SYT5: variants seen among roughly 807,000 people sequenced by gnomAD.
The protein encoded by SYT5 is synaptotagmin-5.
In SYT5, 29 loss-of-function variants were observed where a neutral mutation model predicts 36.0. The observed-to-expected ratio is 0.81, with a 90% CI of 0.60 to 1.10. The LOEUF (loss-of-function observed/expected upper bound fraction) is 1.10, where lower values mean the gene tolerates loss of function less well. Among genes scored for constraint, SYT5 ranks in the 50% least tolerant of loss-of-function variants. The pLI, the probability that SYT5 is intolerant of heterozygous loss-of-function variation, is 0.00. For synonymous variants in SYT5, 231 were observed against 227.6 expected, an observed-to-expected ratio of 1.02 and a Z score of -0.14; for missense variants, 512 against 516.0, an observed-to-expected ratio of 0.99 and a Z score of 0.08.
chr19:55,176,120 T>G lies in SYT5; in HGVS notation c.257A>C (p.Gln86Pro). Residue 86 changes from glutamine (Q) to proline (P), a missense_variant, in exon 4 of 9, where the codon CAG becomes CCG. Coordinates refer to ENST00000354308, the MANE Select transcript of SYT5 (RefSeq NM_003180.3). The stretch of plus-strand genomic sequence containing the variant: ...TGGCTCCAGCTCCTCTACTTCTGGC[T>G]GCACCTTAAGGAGCCAGGGGTAAGG... The part of the protein sequence containing the change: ...GLGQSYIDKV[Q>P]PEVEELEPAP... 1 of 1,614,118 alleles carries G rather than the reference T, an allele frequency of 6.2e-7. No individual in the cohort carries two copies. Among genetic ancestry groups the G allele is most frequent in the Non-Finnish European group, 8.5e-7 (1 of 1,180,032 alleles).
rs12104357 is a variant in SYT5, at chr19:55,178,844, C to T, written c.79+119G>A. The T allele has an allele frequency of 9.8e-4, 1,118 of 1,141,834 alleles. 8 individuals carry two copies. In the African/African-American group the frequency reaches 0.012, roughly 12 times the overall value. The allele number at this position is 1,141,834 out of a possible 1,614,324, so 70.7% of individuals were successfully genotyped here. A position where few individuals can be genotyped will look rare whatever the true frequency, so the allele number is the denominator to read the frequency against. ...CGCATTCCAGTCCAGGATGACGACC[C>T]GGGATCCCAGCCGGATTTTCCAGCC... On this transcript the variant is annotated intron_variant, in intron 2 of 8. Transcript: ENST00000354308.
In SYT5 at chr19:55,179,451, C is replaced by CGGGCAACGGGTTGTTGCCA. The variant is rs2082328575; in HGVS notation, c.-45-384_-45-366dup. 2 of 385,094 alleles carry CGGGCAACGGGTTGTTGCCA rather than the reference C, an allele frequency of 5.2e-6. No homozygotes were observed. The highest frequency in any genetic ancestry group is 9.9e-5 in the South Asian group (1 of 10,078). The allele number at this position is 385,094 out of a possible 1,614,324, so 23.9% of individuals were successfully genotyped here. A position where few individuals can be genotyped will look rare whatever the true frequency, so the allele number is the denominator to read the frequency against. ...CGGGGTGAGAGCAAAGCTGGTTGCC[C>CGGGCAACGGGTTGTTGCCA]GGGCAACGGGTTGTTGCCAGGACAA... is the stretch of plus-strand genomic sequence containing the variant. On this transcript the variant is annotated intron_variant, in intron 1 of 8. Coordinates refer to ENST00000354308, the MANE Select transcript of SYT5 (RefSeq NM_003180.3). This position sits in a 1 kb window ranked among gnomAD's most constrained non-coding sequence, Gnocchi z 4.5.
chr19:55,174,759 A>G, intron 7 of SYT5, 109 bp from the exon 8 acceptor site: 1 of 1,579,492 alleles, frequency 6.3e-7, no homozygotes, highest in Non-Finnish European at 8.6e-7. Flanking sequence ...GCCAAAATCC[A>G]TGCCTTCCAC....
In SYT5 at chr19:55,173,766, G is replaced by A; in HGVS notation, c.961-82C>T. On this transcript the variant is annotated intron_variant, in intron 8 of 8. Transcript: ENST00000354308. This position sits in a 1 kb window ranked among gnomAD's most constrained non-coding sequence, Gnocchi z 5.4. ...AGGGGCGGTGTCCGTTTTCACGGCT[G>A]AGGGTACCTCTCGCTGCCACCCGAG... 1.6e-6 allele frequency: 2 copies of A among 1,282,480 alleles called. No homozygotes were observed. Among genetic ancestry groups the A allele is most frequent in the Non-Finnish European group, 2.0e-6 (2 of 1,004,370 alleles). 79.4% of individuals were successfully genotyped at this position (1,282,480 alleles called of 1,614,324 possible). A position where few individuals can be genotyped will look rare whatever the true frequency, so the allele number is the denominator to read the frequency against.
rs1263815848 is a variant in SYT5, at chr19:55,176,085, C to A, written c.292G>T (p.Gly98Trp). The change falls in exon 4 of 9, where the codon GGG becomes TGG. Residue 98 changes from glycine to tryptophan, a missense_variant. By Grantham distance (184) the Gly-to-Trp change is radical. Coordinates refer to ENST00000354308, the MANE Select transcript of SYT5 (RefSeq NM_003180.3). ...EVEELEPAPS[G>W]PGQQVADKHE... ...TTGTCTGCCACCTGCTGCCCTGGCC[C>A]GGATGGTGCTGGCTCCAGCTCCTCT... 2 of 1,614,190 alleles carry A rather than the reference C, an allele frequency of 1.2e-6. No homozygotes were observed. Among genetic ancestry groups the A allele is most frequent in the Non-Finnish European group, 8.5e-7 (1 of 1,180,044 alleles).
In SYT5 at chr19:55,179,242, A is replaced by G. The variant is rs1023365903; in HGVS notation, c.-45-156T>C. 3.4e-6 allele frequency: 5 copies of G among 1,489,152 alleles called. No individual in the cohort carries two copies. The East Asian group carries it at 7.7e-5, about 23-fold the overall frequency. The allele number at this position is 1,489,152 out of a possible 1,614,324, so 92.2% of individuals were successfully genotyped here. ...TAGTATCAGCCTCCCCGCACTTGAG[A>G]GGGGGTGTCCAGGACCTAGTTCCAT... On this transcript the variant is annotated intron_variant, in intron 1 of 8. Coordinates refer to ENST00000354308, the MANE Select transcript of SYT5 (RefSeq NM_003180.3). The surrounding 1 kb of genome is among the most constrained non-coding windows in gnomAD (Gnocchi z 4.5).
chr19:55,178,195 C>A lies in SYT5; in HGVS notation c.252+1G>T. On this transcript the variant is annotated splice_donor_variant, in intron 3 of 8. Coordinates refer to ENST00000354308, the MANE Select transcript of SYT5 (RefSeq NM_003180.3). LOFTEE classifies it high-confidence loss of function. ...GGTGGAGGGGCTGGGCTGGGCCACA[C>A]CTTGTCTATGTAACTCTGGCCCAGC... 6.2e-7 allele frequency: 1 copy of A among 1,606,888 alleles called. No homozygotes were observed. Among genetic ancestry groups the A allele is most frequent in the Non-Finnish European group, 8.5e-7 (1 of 1,176,888 alleles).
chr19:55,173,485 C>G lies in SYT5; in HGVS notation c.1160G>C (p.Ter387SerextTer34). ...TTGGCCGGGGGCTTGGGGTGGGAGT[C>G]AGGGCGCAGGCAGCAGCCTCACTCG... ...PDRVRLLPAP[*>S] Residue 387 changes from the stop codon to serine (S), a stop_lost, in exon 9 of 9, where the codon TGA becomes TCA. Transcript: ENST00000354308. The surrounding 1 kb of genome is among the most constrained non-coding windows in gnomAD (Gnocchi z 5.4). The G allele has an allele frequency of 1.5e-6, 2 of 1,356,478 alleles. No homozygotes were observed. The highest frequency in any genetic ancestry group is 1.9e-6 in the Non-Finnish European group (2 of 1,054,558). 84.0% of individuals were successfully genotyped at this position (1,356,478 alleles called of 1,614,324 possible). A position where few individuals can be genotyped will look rare whatever the true frequency, so the allele number is the denominator to read the frequency against.
Position 55,175,201 on chromosome 19 carries a change from G to C in SYT5, c.679C>G (p.Arg227Gly). 6.2e-7 allele frequency: 1 copy of C among 1,608,028 alleles called. No homozygotes were observed. Among genetic ancestry groups the C allele is most frequent in the East Asian group, 2.2e-5 (1 of 44,612 alleles). Residue 227 changes from arginine (R) to glycine (G), a missense_variant, in exon 6 of 9, where the codon CGG (arginine) becomes GGG (glycine). Coordinates refer to ENST00000354308, the MANE Select transcript of SYT5 (RefSeq NM_003180.3). The surrounding 1 kb of genome is among the most constrained non-coding windows in gnomAD (Gnocchi z 4.5). ...TCCCGCGGAGCCGCCTGCAGCTCCC[G>C]CCAGGCCTGCACTGGCCGCCCCAGG... Reference protein sequence around the residue: ...VDLGRPVQAWRELQAAPREEQ... With the variant: ...VDLGRPVQAWGELQAAPREEQ...
Position 55,178,321 on chromosome 19 carries a change from T to C in SYT5, c.127A>G (p.Ile43Val). Residue 43 changes from isoleucine to valine, a missense_variant, in exon 3 of 9, where the codon ATC (isoleucine) becomes GTC (valine). By Grantham distance (29) the Ile-to-Val change is conservative (BLOSUM62 3). Coordinates refer to ENST00000354308, the MANE Select transcript of SYT5 (RefSeq NM_003180.3). ...ATIVLVSGLL[I>V]FSCCFCLYRK... is the part of the protein sequence containing the mutation. ...TAGAGACAGAAACAGCAGCTGAAGA[T>C]GAGGAGGCCTGAGACCAGCACGATG... 1 of 1,611,906 alleles carries C rather than the reference T, an allele frequency of 6.2e-7. No individual in the cohort carries two copies. Among genetic ancestry groups the C allele is most frequent in the Non-Finnish European group, 8.5e-7 (1 of 1,179,386 alleles).
In SYT5 at chr19:55,173,113, A is replaced by C; in HGVS notation, c.*371T>G. ...GCCCAGGCCACCGGAGCTGCTGAATATTTATTTGGCCCCAGGAGCAGTGCA... is the reference window on the plus strand; with the variant it reads ...GCCCAGGCCACCGGAGCTGCTGAATCTTTATTTGGCCCCAGGAGCAGTGCA... On this transcript the variant is annotated 3_prime_UTR_variant, in exon 9 of 9. Transcript: ENST00000354308. This position sits in a 1 kb window ranked among gnomAD's most constrained non-coding sequence, Gnocchi z 5.4. 2 of 193,642 alleles carry C rather than the reference A, an allele frequency of 1.0e-5. No individual in the cohort carries two copies. The highest frequency in any genetic ancestry group is 2.1e-5 in the Non-Finnish European group (2 of 95,304). The allele number at this position is 193,642 out of a possible 1,614,324, so 12.0% of individuals were successfully genotyped here. A position where few individuals can be genotyped will look rare whatever the true frequency, so the allele number is the denominator to read the frequency against.
chr19:55,178,199 G>A lies in SYT5; in HGVS notation c.249C>T (p.Asp83=), dbSNP rs2086098253. Residue 83 remains aspartate, a synonymous_variant, in exon 3 of 9, where the codon GAC becomes GAT. Transcript: ENST00000354308. The part of the protein sequence containing the change: ...EVKGLGQSYI[D]KVQPEVEELE... Reference sequence around the variant, plus strand: ...GAGGGGCTGGGCTGGGCCACACCTTGTCTATGTAACTCTGGCCCAGCCCCT... The same window carrying A: ...GAGGGGCTGGGCTGGGCCACACCTTATCTATGTAACTCTGGCCCAGCCCCT... 2 of 1,607,288 alleles carry A rather than the reference G, an allele frequency of 1.2e-6. No individual in the cohort carries two copies. Among genetic ancestry groups the A allele is most frequent in the East Asian group, 2.2e-5 (1 of 44,684 alleles).
intron 2 of SYT5, 52 bp from the exon 3 acceptor site, chr19:55,178,420 G>A (rs2086102906): frequency 1.3e-6 from 2 of 1,550,134 alleles, no homozygotes; most frequent in Non-Finnish European, 1.7e-6. Context: ...CACGCAGGCT[G>A]ATTCAGTCCT....
At position 55,173,283 on chromosome 19, in the gene SYT5, G is replaced by A. The variant is rs1456343838; in HGVS notation, c.*201C>T. 2 of 446,942 alleles carry A rather than the reference G, an allele frequency of 4.5e-6. No individual in the cohort carries two copies. The highest frequency in any genetic ancestry group is 7.5e-6 in the Non-Finnish European group (2 of 267,284). 27.7% of individuals were successfully genotyped at this position (446,942 alleles called of 1,614,324 possible). On this transcript the variant is annotated 3_prime_UTR_variant, in exon 9 of 9. Coordinates refer to ENST00000354308, the MANE Select transcript of SYT5 (RefSeq NM_003180.3). The surrounding 1 kb of genome is among the most constrained non-coding windows in gnomAD (Gnocchi z 5.4). ...CATCTGGGTGTGTCCGCGAGGGTCG[G>A]GGGAGTGTGCTGGAAAGTTGTCGTG...
chr19:55,174,735 C>T, intron 7 of SYT5, 85 bp from the exon 8 acceptor site: 1 of 1,589,178 alleles, frequency 6.3e-7, no homozygotes, highest in Non-Finnish European at 8.6e-7. Flanking sequence ...CCCTTCGGGT[C>T]TCCCTAGCTC....
chr19:55,175,200 C>T lies in SYT5; in HGVS notation c.680G>A (p.Arg227Gln). The change falls in exon 6 of 9, where the codon CGG (arginine) becomes CAG (glutamine). Residue 227 changes from arginine (R) to glutamine (Q), a missense_variant. Arg to Gln is a conservative substitution (Grantham distance 43). Transcript: ENST00000354308. This position sits in a 1 kb window ranked among gnomAD's most constrained non-coding sequence, Gnocchi z 4.5. ...VDLGRPVQAW[R>Q]ELQAAPREEQ... The stretch of plus-strand genomic sequence containing the variant: ...CTCCCGCGGAGCCGCCTGCAGCTCC[C>T]GCCAGGCCTGCACTGGCCGCCCCAG... The T allele has an allele frequency of 6.2e-7, 1 of 1,608,334 alleles. No individual in the cohort carries two copies. Among genetic ancestry groups the T allele is most frequent in the Non-Finnish European group, 8.5e-7 (1 of 1,177,846 alleles).
In SYT5 at chr19:55,175,358, C is replaced by A. The variant is rs1025221137; in HGVS notation, c.541-19G>T. 3 of 1,515,072 alleles carry A rather than the reference C, an allele frequency of 2.0e-6. No homozygotes were observed. Among genetic ancestry groups the A allele is most frequent in the African/African-American group, 2.8e-5 (2 of 71,758 alleles). The allele number at this position is 1,515,072 out of a possible 1,614,324, so 93.9% of individuals were successfully genotyped here. Reference sequence around the variant, plus strand: ...AGGGGACCTGGAGTGCACAGAGAATCCGCAGTAGAGAGCAGGAAGTCAGAG... The same window carrying A: ...AGGGGACCTGGAGTGCACAGAGAATACGCAGTAGAGAGCAGGAAGTCAGAG... On this transcript the variant is annotated intron_variant, in intron 5 of 8. Transcript: ENST00000354308. The surrounding 1 kb of genome is among the most constrained non-coding windows in gnomAD (Gnocchi z 4.5).
rs12459917 is a variant in SYT5, at chr19:55,175,012, G to A, written c.709-13C>T. On this transcript the variant is annotated splice_polypyrimidine_tract_variant and intron_variant, in intron 6 of 8. Transcript: ENST00000354308. The surrounding 1 kb of genome is among the most constrained non-coding windows in gnomAD (Gnocchi z 4.5). ...CAAGCTTCTCCTGCTGAAAGGAGAG[G>A]GGCCCATCACCAGAGCCCCGGCTCC... The A allele has an allele frequency of 0.055, 88,192 of 1,611,270 alleles. 7,530 individuals carry two copies. The highest frequency in any genetic ancestry group is 0.35 in the Admixed American group (20,731 of 59,970).
At position 55,173,836 on chromosome 19, in the gene SYT5, G is replaced by T; in HGVS notation, c.961-152C>A. 3 of 691,872 alleles carry T rather than the reference G, an allele frequency of 4.3e-6. No homozygotes were observed. Among genetic ancestry groups the T allele is most frequent in the South Asian group, 4.8e-5 (1 of 20,682 alleles). The allele number at this position is 691,872 out of a possible 1,614,324, so 42.9% of individuals were successfully genotyped here. ...CGGGACGGGGGAGGGGGTGGGAGAC[G>T]AGAGGGACGGAGCCTGCGGCGAGGA... On this transcript the variant is annotated intron_variant, in intron 8 of 8. Coordinates refer to ENST00000354308, the MANE Select transcript of SYT5 (RefSeq NM_003180.3). This position sits in a 1 kb window ranked among gnomAD's most constrained non-coding sequence, Gnocchi z 5.4.
Sources: gnomAD v4.1 joint callset for allele counts on GRCh38, gnomAD v4.1.1 for gene constraint, Gnocchi (gnomAD v3.1) non-coding constraint, MANE v1.5 for transcripts, NCBI Gene and HGNC (gene_info 2026-07-23, HGNC 2026-07-21) for gene names.